Variants in SEMA3D observed in about 807,000 individuals in gnomAD.
SEMA3D encodes the protein semaphorin 3D, also known as semaphorin-3D.
In SEMA3D, 84 loss-of-function variants were observed where a neutral mutation model predicts 100.1. The observed-to-expected ratio is 0.84, with a 90% CI of 0.70 to 1.01. The LOEUF is 1.01. Among genes scored for constraint, SEMA3D ranks in the 50% least tolerant of loss-of-function variants. The probability of loss-of-function intolerance (pLI) is 0.00; values close to 1 mark genes in which losing one functional copy is unlikely to be tolerated. For missense variants in SEMA3D, 875 were observed against 934.1 expected (o/e 0.94, Z 0.82); for synonymous variants, 312 against 320.7 (o/e 0.97, Z 0.29).
chr7:85,247,096 G>A, the SEMA3D span, among the ~76,000 whole-genome samples: 1 of 151,974 alleles, frequency 6.6e-6, no homozygotes, highest in African/African-American at 2.4e-5. Context: ...GGAGCTCATA[G>A]AGAAATTCAA....
rs1562830558 is a variant in SEMA3D, at chr7:85,133,519, TAC to T, written c.-40-11590_-40-11589del. On this transcript the variant is annotated intron_variant, in intron 2 of 18. Coordinates refer to ENST00000284136, the MANE Select transcript of SEMA3D (RefSeq NM_001384900.1). ...TAGCGCAACGTTCTGAATTTTTAAA[TAC>T]AGAGTTCAATTCAGATAGTCTCTCA... 1.1e-4 allele frequency among the ~76,000 whole-genome samples: 16 copies of T among 152,142 alleles called. No homozygotes were observed. The South Asian group carries it at 3.3e-3, about 31-fold the overall frequency.
chr7:84,999,796 A>G lies in SEMA3D; in HGVS notation c.1978T>C (p.Ser660Pro). 1 of 1,614,088 alleles carries G rather than the reference A, an allele frequency of 6.2e-7. No individual in the cohort carries two copies. Among genetic ancestry groups the G allele is most frequent in the Non-Finnish European group, 8.5e-7 (1 of 1,180,014 alleles). ...LLIRSLQKKD[S>P]GMYYCKAQEH... ...TGGGCTTTGCAGTAATACATCCCAG[A>G]ATCCTTCTTCTGCAAACTTCGAATC... The change falls in exon 19 of 19, where the codon TCT becomes CCT. Residue 660 changes from serine to proline, a missense_variant. Transcript: ENST00000284136.
intron 1 of SEMA3D, among the ~76,000 whole-genome samples, chr7:85,168,813 A>T (rs1313525052): frequency 7.2e-6 from 1 of 139,504 alleles, no homozygotes; most frequent in African/African-American, 2.6e-5. Context: ...AAAGAAAGAA[A>T]GAAAGATGAA....
chr7:85,088,647 G>A (rs965291890), intron 4 of SEMA3D, among the ~76,000 whole-genome samples: 1 of 152,182 alleles, frequency 6.6e-6, no homozygotes, highest in East Asian at 1.9e-4. Flanking sequence ...GAGCAACAGC[G>A]CCAAAGGTAA....
In SEMA3D at chr7:85,081,500, T is replaced by G. The variant is rs775305059; in HGVS notation, c.375+17A>C. On this transcript the variant is annotated intron_variant, in intron 5 of 18. Transcript: ENST00000284136. Reference sequence around the variant, plus strand: ...GTAGAAGTTTTACAAAGATAATTGTTACAGTTTCATACTTACATTGGCATC... The same window carrying G: ...GTAGAAGTTTTACAAAGATAATTGTGACAGTTTCATACTTACATTGGCATC... 3 of 1,542,328 alleles carry G rather than the reference T, an allele frequency of 1.9e-6. No homozygotes were observed. The South Asian group carries it at 3.3e-5, about 17-fold the overall frequency.
At chr7:85,203,990 G>A in the SEMA3D span, among the ~76,000 whole-genome samples, 1 of 152,002 alleles carries the variant, frequency 6.6e-6, no homozygotes, top group African/African-American at 2.4e-5. Flanking sequence ...ATGACCCATG[G>A]AATGAGGGGA....
rs531376527 is a variant in SEMA3D, at chr7:85,153,630, C to T, written c.-63G>A. ...CACATAATTATTGAGGCTGATGAGT[C>T]CCAAGATCTGCAGTTGGTAAGGTGA... On this transcript the variant is annotated 5_prime_UTR_variant, in exon 2 of 19. Coordinates refer to ENST00000284136, the MANE Select transcript of SEMA3D (RefSeq NM_001384900.1). The T allele has an allele frequency of 6.6e-6, 1 of 152,070 alleles. No individual in the cohort carries two copies. Among genetic ancestry groups the T allele is most frequent in the East Asian group, 1.9e-4 (1 of 5,152 alleles). 9.4% of individuals were successfully genotyped at this position (152,070 alleles called of 1,614,324 possible).
intron 2 of SEMA3D, among the ~76,000 whole-genome samples, chr7:85,147,818 G>T (rs1200143647): frequency 6.6e-6 from 1 of 152,000 alleles, no homozygotes. Context: ...TACAACATAG[G>T]AGAAGTACCC....
chr7:85,225,956 T>C, the SEMA3D span, among the ~76,000 whole-genome samples: 1 of 152,192 alleles, frequency 6.6e-6, no homozygotes, highest in African/African-American at 2.4e-5. Context: ...AAATCTAGTA[T>C]ATAGGATTAT....
the SEMA3D span, among the ~76,000 whole-genome samples, chr7:85,239,989 G>C: frequency 1.3e-5 from 2 of 151,874 alleles, no homozygotes. Context: ...TTTCCTGTTA[G>C]GTCTAACATT....
At chr7:85,201,399 T>C in the SEMA3D span, among the ~76,000 whole-genome samples, 1 of 152,184 alleles carries the variant, frequency 6.6e-6, no homozygotes, top group Non-Finnish European at 1.5e-5. Context: ...TCTTGAGTCA[T>C]TTAACGTTTC....
At chr7:85,039,702 C>A (rs2115975055) in intron 11 of SEMA3D, among the ~76,000 whole-genome samples, 1 of 152,262 alleles carries the variant, frequency 6.6e-6, no homozygotes, top group Non-Finnish European at 1.5e-5. Flanking sequence ...TAATAGTCCG[C>A]TCCTCTTTGA....
chr7:85,217,383 G>A, the SEMA3D span, among the ~76,000 whole-genome samples: 16 of 152,034 alleles, frequency 1.1e-4, no homozygotes, highest in African/African-American at 3.9e-4. Context: ...AAAAGATAAA[G>A]GTGAGTGATA....
In SEMA3D at chr7:84,999,884, G is replaced by A. The variant is rs367978515; in HGVS notation, c.1909-19C>T. ...GCTTCAACTGCAGAATTGGAAAAAT[G>A]TAGGTAATAAATTAAACACAGAGAG... On this transcript the variant is annotated intron_variant, in intron 18 of 18. Transcript: ENST00000284136. 86 of 1,603,930 alleles carry A rather than the reference G, an allele frequency of 5.4e-5. No homozygotes were observed. The African/African-American group carries it at 1.1e-3, about 20-fold the overall frequency.
intron 2 of SEMA3D, among the ~76,000 whole-genome samples, chr7:85,137,003 A>G (rs1337016446): frequency 6.6e-6 from 1 of 152,070 alleles, no homozygotes; most frequent in Non-Finnish European, 1.5e-5. Flanking sequence ...AATGTGACTT[A>G]TGTAGTTTTA....
intron 8 of SEMA3D, among the ~76,000 whole-genome samples, chr7:85,060,621 C>A (rs1791452278): frequency 6.6e-6 from 1 of 152,158 alleles, no homozygotes; most frequent in African/African-American, 2.4e-5. Flanking sequence ...GCCAAAAGAA[C>A]ATGGCATAAA....
At chr7:85,130,291 C>T (rs1395540079) in intron 2 of SEMA3D, among the ~76,000 whole-genome samples, 1 of 152,090 alleles carries the variant, frequency 6.6e-6, no homozygotes, top group African/African-American at 2.4e-5. Context: ...AAAAGGGCAG[C>T]TTTTCTTTCA....
the SEMA3D span, among the ~76,000 whole-genome samples, chr7:85,246,787 T>A: frequency 6.6e-6 from 1 of 151,898 alleles, no homozygotes; most frequent in East Asian, 1.9e-4. Context: ...ATTCTTTTAT[T>A]CAGGACCCAG....
chr7:85,191,952 G>C (rs563962126), upstream of SEMA3D, among the ~76,000 whole-genome samples: 3 of 152,176 alleles, frequency 2.0e-5, no homozygotes, highest in South Asian at 6.2e-4. Context: ...TTCATGATTT[G>C]CTTTTCTACT....
Sources: allele counts gnomAD v4.1 joint callset (sites outside exome capture counted in the v4.1 genomes callset), GRCh38; gene constraint gnomAD v4.1.1; transcripts MANE v1.5; gene names NCBI Gene and HGNC (gene_info 2026-07-23, HGNC 2026-07-21).